TMTC2: variants seen among roughly 807,000 people sequenced by gnomAD.
TMTC2 encodes the protein transmembrane O-mannosyltransferase targeting cadherins 2.
A neutral mutation model predicts 82.4 loss-of-function variants in TMTC2; 43 were observed. The ratio of observed to expected loss-of-function variants is 0.52; its 90% confidence interval spans 0.41 to 0.67. The LOEUF is 0.67. Ranked by LOEUF, TMTC2 falls within the 30% of genes least tolerant of loss-of-function variation. TMTC2 has a pLI of 0.00. For synonymous variants in TMTC2, 408 were observed against 381.9 expected (o/e 1.07, Z -0.80); for missense variants, 919 against 1,012.4 (o/e 0.91, Z 1.25).
chr12:82,978,187 T>C (rs564784124), intron 7 of TMTC2, among the ~76,000 whole-genome samples: 1 of 151,858 alleles, frequency 6.6e-6, no homozygotes, highest in East Asian at 1.9e-4. Flanking sequence ...GCAGCCAATC[T>C]TGAATAGATC....
At chr12:82,760,451 T>G (rs1393082492) in intron 1 of TMTC2, 1 of 148,542 alleles carries the variant, frequency 6.7e-6, no homozygotes, top group East Asian at 2.0e-4. Flanking sequence ...TTATTTGGCT[T>G]GCACTGTGCC....
chr12:82,699,869 C>G (rs1872989372), intron 1 of TMTC2, among the ~76,000 whole-genome samples: 1 of 152,070 alleles, frequency 6.6e-6, no homozygotes. Flanking sequence ...ATTCAACCAA[C>G]CATGGAATGA....
chr12:83,064,772 T>C (rs937661548), intron 11 of TMTC2, among the ~76,000 whole-genome samples: 1 of 151,990 alleles, frequency 6.6e-6, no homozygotes, highest in African/African-American at 2.4e-5. Context: ...TTATTAGCAA[T>C]GACACATCTG....
intron 1 of TMTC2, among the ~76,000 whole-genome samples, chr12:82,846,005 G>A (rs1870648252): frequency 6.6e-6 from 1 of 150,980 alleles, no homozygotes; most frequent in African/African-American, 2.4e-5. Context: ...CTTTATCGGG[G>A]GAACTAAAGA....
At chr12:82,977,438 A>G (rs1346943836) in intron 7 of TMTC2, among the ~76,000 whole-genome samples, 4 of 151,876 alleles carry the variant, frequency 2.6e-5, no homozygotes, top group Admixed American at 1.3e-4. Context: ...AAATAATAAC[A>G]AATTATTTAA....
At chr12:83,105,701 C>T (rs765780211) in intron 11 of TMTC2, among the ~76,000 whole-genome samples, 2 of 152,188 alleles carry the variant, frequency 1.3e-5, no homozygotes, top group African/African-American at 2.4e-5. Context: ...TACATTTCAA[C>T]ATGAGATTGG....
chr12:82,975,920 G>T (rs200760060), intron 7 of TMTC2, among the ~76,000 whole-genome samples: 2 of 150,778 alleles, frequency 1.3e-5, no homozygotes, highest in African/African-American at 4.9e-5. Context: ...ATGCTATTTA[G>T]CACTTCTTTG....
chr12:83,005,206 TA>T (rs59772281), intron 8 of TMTC2, among the ~76,000 whole-genome samples: 694 of 36,362 alleles, frequency 0.019, 5 homozygotes, highest in South Asian at 0.063. Flanking sequence ...TTTGTCTTAT[TA>T]AAAAAAAAAA....
chr12:82,950,302 A>T (rs1358415987), intron 4 of TMTC2, among the ~76,000 whole-genome samples: 1 of 152,218 alleles, frequency 6.6e-6, no homozygotes, highest in Non-Finnish European at 1.5e-5. Flanking sequence ...CCAAGTATTA[A>T]TCTTTATTAC....
intron 1 of TMTC2, among the ~76,000 whole-genome samples, chr12:82,836,526 G>C (rs1272868071): frequency 6.6e-6 from 1 of 152,076 alleles, no homozygotes; most frequent in Non-Finnish European, 1.5e-5. Flanking sequence ...GATGCATGTG[G>C]CCTCTATAAG....
At chr12:82,923,106 C>T (rs926539691) in intron 3 of TMTC2, among the ~76,000 whole-genome samples, 6 of 152,182 alleles carry the variant, frequency 3.9e-5, no homozygotes, top group African/African-American at 1.4e-4. Context: ...CCGGGCCACA[C>T]TGCCACCAGC....
chr12:82,890,481 G>T (rs1873340083), intron 2 of TMTC2, among the ~76,000 whole-genome samples: 1 of 152,084 alleles, frequency 6.6e-6, no homozygotes, highest in South Asian at 2.1e-4. Flanking sequence ...GTTATGGTTT[G>T]CTTGTTTACA....
At chr12:82,976,884 TC>T (rs1296719855) in intron 7 of TMTC2, among the ~76,000 whole-genome samples, 2 of 152,032 alleles carry the variant, frequency 1.3e-5, no homozygotes, top group Non-Finnish European at 1.5e-5. Context: ...AGGGCATACT[TC>T]GTAAAAAAAT....
chr12:83,090,706 C>T (rs1224775486), intron 11 of TMTC2, among the ~76,000 whole-genome samples: 1 of 152,094 alleles, frequency 6.6e-6, no homozygotes, highest in Non-Finnish European at 1.5e-5. Context: ...TGCACAGTTG[C>T]CTGCTTCCTT....
intron 1 of TMTC2, among the ~76,000 whole-genome samples, chr12:82,693,325 A>C (rs1190581231): frequency 1.3e-5 from 2 of 152,188 alleles, no homozygotes; most frequent in African/African-American, 4.8e-5. Context: ...CTCACTCCTA[A>C]GATTCATGAT....
chr12:82,770,983 C>T (rs939815569), intron 1 of TMTC2, among the ~76,000 whole-genome samples: 4 of 151,900 alleles, frequency 2.6e-5, no homozygotes, highest in Non-Finnish European at 4.4e-5. Context: ...CTGAGGTGGG[C>T]GGATCACGAG....
At chr12:83,095,019 C>G (rs908292964) in intron 11 of TMTC2, among the ~76,000 whole-genome samples, 6 of 152,070 alleles carry the variant, frequency 3.9e-5, no homozygotes, top group African/African-American at 1.4e-4. Flanking sequence ...TAAAGAGATA[C>G]TAGGAAATTC....
rs1431736802 is a variant in TMTC2 at position 83,133,278 on chromosome 12, C to T, written c.*889C>T. ...AAAGGACAGGGGAGGAGTTTGTAAG[C>T]CTTGCAGTTCCAATAACTAACCAAC... On this transcript the variant is annotated 3_prime_UTR_variant, in exon 12 of 12. Transcript: ENST00000321196. 2.6e-5 allele frequency: 4 copies of T among 152,112 alleles called. No homozygotes were observed. The highest frequency in any genetic ancestry group is 5.9e-5 in the Non-Finnish European group (4 of 68,026). The allele number at this position is 152,112 out of a possible 1,614,324, so 9.4% of individuals were successfully genotyped here. A position where few individuals can be genotyped will look rare whatever the true frequency, so the allele number is the denominator to read the frequency against.
chr12:82,903,349 G>A (rs576161505), intron 3 of TMTC2, among the ~76,000 whole-genome samples: 1 of 152,236 alleles, frequency 6.6e-6, no homozygotes, highest in African/African-American at 2.4e-5. Context: ...TTGTATGAAC[G>A]TGTTGTCAGC....
Sources: gnomAD v4.1 joint callset for allele counts (sites outside exome capture counted in the v4.1 genomes callset) on GRCh38, gnomAD v4.1.1 for gene constraint, MANE v1.5 for transcripts, NCBI Gene and HGNC (gene_info 2026-07-23, HGNC 2026-07-21) for gene names.